GCNT2: variants seen among roughly 807,000 people sequenced by gnomAD.
The protein encoded by GCNT2 is N-acetyllactosaminide beta-1,6-N-acetylglucosaminyl-transferase.
A neutral mutation model predicts 34.2 loss-of-function variants in GCNT2; 34 were observed. The observed-to-expected ratio is 1.00, with a 90% CI of 0.76 to 1.32. GCNT2 has a LOEUF of 1.32. GCNT2 is among the 40% of genes most tolerant of loss of function. GCNT2 has a pLI of 0.00. For missense variants in GCNT2, 584 were observed against 489.4 expected, an observed-to-expected ratio of 1.19 and a Z score of -1.82; for synonymous variants, 212 against 188.0, an observed-to-expected ratio of 1.13 and a Z score of -1.04.
intron 3 of GCNT2, 62 bp from the exon 4 acceptor site, chr6:10,621,289 T>G: frequency 2.9e-6 from 3 of 1,047,950 alleles, no homozygotes; most frequent in Non-Finnish European, 4.4e-6. Flanking sequence ...GCTTAATTGA[T>G]GAAATTGATG....
rs1259146789 is a variant in GCNT2 at position 10,610,750 on chromosome 6, C to T, written c.926-10601C>T. On this transcript the variant is annotated intron_variant, in intron 3 of 4. Coordinates refer to ENST00000495262, the MANE Select transcript of GCNT2 (RefSeq NM_145649.5). The stretch of plus-strand genomic sequence containing the variant: ...GTATTTGAATAAGTGAGTAAATTAT[C>T]TGGAAACAAAATCAACAAGTTCTTT... Among the ~76,000 whole-genome samples, 4 of 152,246 alleles carry T rather than the reference C, an allele frequency of 2.6e-5. No homozygotes were observed. In the East Asian group the frequency reaches 5.8e-4, roughly 22 times the overall value.
intron 1 of GCNT2, among the ~76,000 whole-genome samples, chr6:10,526,648 C>T (rs1326690743): frequency 1.3e-5 from 2 of 152,196 alleles, no homozygotes; most frequent in African/African-American, 2.4e-5. Flanking sequence ...GAGCTCCTCC[C>T]GCCTTGGCCT....
intron 3 of GCNT2, chr6:10,557,226 CAA>C: frequency 1.9e-6 from 3 of 1,592,888 alleles, no homozygotes; most frequent in Middle Eastern, 1.7e-4. Context: ...GTGGCTCTAT[CAA>C]GAGAGTTTGC....
intron 3 of GCNT2, among the ~76,000 whole-genome samples, chr6:10,575,525 C>T (rs1344826997): frequency 6.6e-6 from 1 of 152,144 alleles, no homozygotes; most frequent in Admixed American, 6.5e-5. Flanking sequence ...CCACGCCCAG[C>T]TAATTTTTTT....
At chr6:10,574,363 A>G (rs898094077) in intron 3 of GCNT2, among the ~76,000 whole-genome samples, 11 of 152,284 alleles carry the variant, frequency 7.2e-5, no homozygotes, top group African/African-American at 2.2e-4. Context: ...GGTAGTTTCT[A>G]TTACCTTCAT....
At chr6:10,539,180 CTTTTTTTTTTT>C (rs71548847) in intron 3 of GCNT2, among the ~76,000 whole-genome samples, 4 of 65,328 alleles carry the variant, frequency 6.1e-5, no homozygotes, top group Middle Eastern at 0.012. Flanking sequence ...CTCACCGTCT[CTTTTTTTTTTT>C]TTTTTTTTTT....
chr6:10,570,241 ATTCT>A (rs1335039866), intron 3 of GCNT2, among the ~76,000 whole-genome samples: 6 of 152,192 alleles, frequency 3.9e-5, no homozygotes, highest in African/African-American at 1.4e-4. Flanking sequence ...AGCATGTGGC[ATTCT>A]TTCTTAAGTG....
Position 10,529,310 on chromosome 6 carries a change from G to GGA in GCNT2, c.400_401dup (p.Asp134GlufsTer8), listed in dbSNP as rs758458553. ...GTGTGCACCTGGATCAGAAGGCGAC[G>GGA]GATGCCTTTAAAGGTGCAGTGAAAC... On this transcript the variant is annotated frameshift_variant, in exon 3 of 5. Transcript: ENST00000495262. LOFTEE classifies it high-confidence loss of function. 96 of 1,613,918 alleles carry GGA rather than the reference G, an allele frequency of 5.9e-5. 1 individual carries two copies. The highest frequency in any genetic ancestry group is 8.1e-5 in the Non-Finnish European group (96 of 1,180,004).
Position 10,529,344 on chromosome 6 carries a change from A to T in GCNT2, c.433A>T (p.Ser145Cys). 6.2e-7 allele frequency: 1 copy of T among 1,614,110 alleles called. No homozygotes were observed. The highest frequency in any genetic ancestry group is 8.5e-7 in the Non-Finnish European group (1 of 1,180,006). The stretch of plus-strand genomic sequence containing the variant: ...TAAAGGTGCAGTGAAACAGTTACTC[A>T]GCTGCTTCCCAAATGCTTTTCTGGC... Reference protein sequence around the residue: ...AFKGAVKQLLSCFPNAFLASK... With the variant: ...AFKGAVKQLLCCFPNAFLASK... Residue 145 changes from serine to cysteine, a missense_variant, in exon 3 of 5, where the codon AGC (serine) becomes TGC (cysteine). Coordinates refer to ENST00000495262, the MANE Select transcript of GCNT2 (RefSeq NM_145649.5).
chr6:10,534,159 T>TTTA, intron 3 of GCNT2, among the ~76,000 whole-genome samples: 1 of 146,410 alleles, frequency 6.8e-6, no homozygotes, highest in African/African-American at 2.5e-5. Context: ...TTTTTTTTTT[T>TTTA]AAGATGGAGT....
intron 3 of GCNT2, among the ~76,000 whole-genome samples, chr6:10,570,646 C>G (rs1763516316): frequency 6.6e-6 from 1 of 152,190 alleles, no homozygotes; most frequent in Non-Finnish European, 1.5e-5. Flanking sequence ...AAATCTAATT[C>G]TGCACTTGGT....
intron 3 of GCNT2, among the ~76,000 whole-genome samples, chr6:10,533,733 A>G (rs1761613553): frequency 7.2e-6 from 1 of 138,750 alleles, no homozygotes; most frequent in South Asian, 2.5e-4. Context: ...ACCAGGAGGC[A>G]GAGGTTGTGG....
chr6:10,593,785 A>G (rs1764741249), intron 3 of GCNT2, among the ~76,000 whole-genome samples: 1 of 152,226 alleles, frequency 6.6e-6, no homozygotes, highest in South Asian at 2.1e-4. Flanking sequence ...CGTCTAAATT[A>G]TCTCTTGAAA....
At chr6:10,607,258 A>G (rs1225516492) in intron 3 of GCNT2, among the ~76,000 whole-genome samples, 1 of 152,188 alleles carries the variant, frequency 6.6e-6, no homozygotes, top group Non-Finnish European at 1.5e-5. Context: ...CTGTACAGCA[A>G]GCAAAATCCT....
intron 3 of GCNT2, among the ~76,000 whole-genome samples, chr6:10,574,187 G>T (rs1763684604): frequency 6.6e-6 from 1 of 152,172 alleles, no homozygotes; most frequent in Admixed American, 6.5e-5. Context: ...TGCCATAAAT[G>T]GTGGCATCTG....
At chr6:10,605,847 G>A (rs778226592) in intron 3 of GCNT2, among the ~76,000 whole-genome samples, 1 of 151,992 alleles carries the variant, frequency 6.6e-6, no homozygotes, top group Non-Finnish European at 1.5e-5. Flanking sequence ...GTTTTTTTGT[G>A]ATTCTTTGAG....
chr6:10,576,078 C>T (rs943833931), intron 3 of GCNT2, among the ~76,000 whole-genome samples: 12 of 152,184 alleles, frequency 7.9e-5, no homozygotes, highest in African/African-American at 9.7e-5. Context: ...CCATGTTGTC[C>T]AGGCTGGTCT....
chr6:10,542,893 C>CTTTTT (rs869251646), intron 3 of GCNT2, among the ~76,000 whole-genome samples: 1,209 of 82,098 alleles, frequency 0.015, 17 homozygotes, highest in African/African-American at 0.032. Flanking sequence ...TATGTTAATT[C>CTTTTT]TTTTTTTTTT....
At chr6:10,553,596 A>G (rs998859572) in intron 3 of GCNT2, among the ~76,000 whole-genome samples, 1 of 152,220 alleles carries the variant, frequency 6.6e-6, no homozygotes, top group Admixed American at 6.5e-5. Flanking sequence ...CCTAAGTGGA[A>G]AAAAATCATT....
Sources: gnomAD v4.1 joint callset for allele counts (sites outside exome capture counted in the v4.1 genomes callset) on GRCh38, gnomAD v4.1.1 for gene constraint, MANE v1.5 for transcripts, NCBI Gene and HGNC (gene_info 2026-07-23, HGNC 2026-07-21) for gene names.